HSD17B12: variants seen among roughly 807,000 people sequenced by gnomAD.
HSD17B12 encodes very-long-chain 3-oxoacyl-CoA reductase.
Under a neutral mutation model 39.3 loss-of-function variants are expected in HSD17B12, and 32 were observed. The ratio of observed to expected loss-of-function variants is 0.81; its 90% CI spans 0.61 to 1.09. HSD17B12 has a LOEUF of 1.09. Ranked by LOEUF, HSD17B12 falls within the 50% of genes least tolerant of loss-of-function variation. HSD17B12 has a pLI of 0.00. For missense variants in HSD17B12, 342 were observed against 382.9 expected, an observed-to-expected ratio of 0.89 and a Z score of 0.89; for synonymous variants, 150 against 146.7, an observed-to-expected ratio of 1.02 and a Z score of -0.16.
the HSD17B12 span, among the ~76,000 whole-genome samples, chr11:43,591,390 G>GA: frequency 4.0e-3 from 606 of 152,048 alleles, 5 homozygotes; most frequent in African/African-American, 0.014. Flanking sequence ...AGTTTCTCTT[G>GA]AAAAAACCTG....
At chr11:43,800,137 A>G (rs933680421) in intron 4 of HSD17B12, among the ~76,000 whole-genome samples, 3 of 152,220 alleles carry the variant, frequency 2.0e-5, no homozygotes, top group African/African-American at 7.2e-5. Flanking sequence ...CTAGATCTGG[A>G]ATACATAAGT....
chr11:43,815,227 C>T (rs1951110506), intron 4 of HSD17B12, among the ~76,000 whole-genome samples: 1 of 152,044 alleles, frequency 6.6e-6, no homozygotes, highest in Non-Finnish European at 1.5e-5. Flanking sequence ...ATGGTAGGTA[C>T]AGGAAGGTTT....
the HSD17B12 span, among the ~76,000 whole-genome samples, chr11:43,619,168 T>TATATATAAAATATATATATATATG: frequency 8.5e-6 from 1 of 117,068 alleles, no homozygotes; most frequent in Non-Finnish European, 1.7e-5. Flanking sequence ...ATATATGATA[T>TATATATAAAATATATATATATATG]ATATATATAT....
At chr11:43,589,374 G>A in the HSD17B12 span, among the ~76,000 whole-genome samples, 1 of 152,168 alleles carries the variant, frequency 6.6e-6, no homozygotes, top group African/African-American at 2.4e-5. Context: ...GGAAGAATGT[G>A]ATATGGTCCC....
intron 3 of HSD17B12, among the ~76,000 whole-genome samples, chr11:43,776,131 T>C (rs1317161590): frequency 6.6e-6 from 1 of 152,178 alleles, no homozygotes; most frequent in Non-Finnish European, 1.5e-5. Flanking sequence ...AGTAATGGGA[T>C]GGCTGGGTCA....
chr11:43,713,075 A>G (rs918076030), intron 1 of HSD17B12, among the ~76,000 whole-genome samples: 1 of 152,200 alleles, frequency 6.6e-6, no homozygotes, highest in African/African-American at 2.4e-5. Context: ...AGAACTTTTT[A>G]TGATAATGGA....
At chr11:43,590,505 G>GTTTTTTTTTTTT in the HSD17B12 span, among the ~76,000 whole-genome samples, 2 of 47,870 alleles carry the variant, frequency 4.2e-5, no homozygotes, top group African/African-American at 1.4e-4. Context: ...TGGAGTGAGT[G>GTTTTTTTTTTTT]ATTTTTTTTT....
chr11:43,686,961 TTTG>T (rs774319635), intron 1 of HSD17B12, among the ~76,000 whole-genome samples: 25 of 151,990 alleles, frequency 1.6e-4, no homozygotes, highest in Non-Finnish European at 2.8e-4. Context: ...AAACTAATTT[TTTG>T]TTGTTGTTGG....
At chr11:43,719,232 C>T in intron 1 of HSD17B12, 1 of 608,788 alleles carries the variant, frequency 1.6e-6, no homozygotes, top group East Asian at 3.1e-5. Context: ...GGCTGGGAGG[C>T]CATATACAGG....
intron 3 of HSD17B12, among the ~76,000 whole-genome samples, chr11:43,756,212 T>G (rs962060255): frequency 6.6e-6 from 1 of 151,968 alleles, no homozygotes; most frequent in Non-Finnish European, 1.5e-5. Flanking sequence ...TTAAATATGT[T>G]ATATCTTTTT....
At chr11:43,634,700 A>T in the HSD17B12 span, among the ~76,000 whole-genome samples, 1 of 152,170 alleles carries the variant, frequency 6.6e-6, no homozygotes, top group South Asian at 2.1e-4. Context: ...TGTTCGATTT[A>T]AAGTAACATC....
the HSD17B12 span, among the ~76,000 whole-genome samples, chr11:43,666,290 A>G: frequency 0.32 from 47,959 of 151,916 alleles, 7,785 homozygotes; most frequent in African/African-American, 0.36. Flanking sequence ...TGCAGCCTCA[A>G]CCTCCTGGGC....
intron 1 of HSD17B12, among the ~76,000 whole-genome samples, chr11:43,690,386 ATATATATATATATATATAT>A (rs1254177413): frequency 0.042 from 432 of 10,304 alleles, 64 homozygotes; most frequent in African/African-American, 0.18. Context: ...ATATATATAT[ATATATATATATATATATAT>A]TTTTTTTTTT....
At chr11:43,660,266 C>T in the HSD17B12 span, among the ~76,000 whole-genome samples, 5 of 152,152 alleles carry the variant, frequency 3.3e-5, no homozygotes, top group Non-Finnish European at 5.9e-5. Context: ...GTCCAAGAAC[C>T]ATTCAATAAA....
At chr11:43,708,053 A>G (rs1220664462) in intron 1 of HSD17B12, among the ~76,000 whole-genome samples, 1 of 152,184 alleles carries the variant, frequency 6.6e-6, no homozygotes, top group Non-Finnish European at 1.5e-5. Flanking sequence ...TACCTCCCAA[A>G]GGCCCCACCC....
chr11:43,740,760 C>A (rs1461770548), intron 1 of HSD17B12, among the ~76,000 whole-genome samples: 1 of 152,198 alleles, frequency 6.6e-6, no homozygotes, highest in Non-Finnish European at 1.5e-5. Context: ...ATGTTGTTCC[C>A]TGAAATTAAT....
intron 9 of HSD17B12, among the ~76,000 whole-genome samples, chr11:43,846,042 C>A (rs558176120): frequency 6.6e-6 from 1 of 152,322 alleles, no homozygotes; most frequent in South Asian, 2.1e-4. Context: ...CATTGGTCAT[C>A]GGTGTGCCTT....
At chr11:43,753,362 T>C (rs1950481730) in intron 2 of HSD17B12, among the ~76,000 whole-genome samples, 1 of 150,292 alleles carries the variant, frequency 6.7e-6, no homozygotes, top group African/African-American at 2.4e-5. Context: ...GTTTGTTTTA[T>C]ATATCCATTC....
intron 3 of HSD17B12, among the ~76,000 whole-genome samples, chr11:43,757,412 T>A (rs1950515826): frequency 6.6e-6 from 1 of 150,842 alleles, no homozygotes; most frequent in African/African-American, 2.4e-5. Flanking sequence ...GGCGGGTGGA[T>A]CATGAGGTCA....
Sources: allele counts gnomAD v4.1 joint callset (sites outside exome capture counted in the v4.1 genomes callset), GRCh38; gene constraint gnomAD v4.1.1; transcripts MANE v1.5; gene names NCBI Gene and HGNC (gene_info 2026-07-23, HGNC 2026-07-21).